Variants in FNBP1L observed in about 807,000 individuals in gnomAD.
The protein encoded by FNBP1L is formin binding protein 1 like, also known as formin-binding protein 1-like.
FNBP1L carries 36 observed loss-of-function variants against 91.2 expected under a neutral mutation model. That is an observed-to-expected ratio of 0.39 (90% CI 0.30 to 0.52). The LOEUF (loss-of-function observed/expected upper bound fraction) is 0.52. Ranked by LOEUF, FNBP1L falls within the 20% of genes least tolerant of loss-of-function variation. FNBP1L has a pLI of 0.66. For missense variants in FNBP1L, 571 were observed against 732.1 expected (o/e 0.78, Z 2.54); for synonymous variants, 242 against 237.0 (o/e 1.02, Z -0.19).
chr1:93,467,008 C>T (rs1022848414), intron 1 of FNBP1L, among the ~76,000 whole-genome samples: 3 of 152,140 alleles, frequency 2.0e-5, no homozygotes, highest in African/African-American at 7.2e-5. Flanking sequence ...AGGTGTGCGC[C>T]ACCATACCTG....
chr1:93,514,151 G>T lies in FNBP1L; in HGVS notation c.141-7931G>T, dbSNP rs539009499. Among the ~76,000 whole-genome samples the T allele has an allele frequency of 3.9e-3, 591 of 152,262 alleles. 3 individuals are homozygous for T. The highest frequency in any genetic ancestry group is 4.8e-3 in the Non-Finnish European group (329 of 68,024). On this transcript the variant is annotated intron_variant, in intron 2 of 16. Transcript: ENST00000271234. ...ACAGACAGAGAGCCAAATCATGAGT[G>T]AACTCCCATTCACAATTGCTTCAAA...
intron 1 of FNBP1L, among the ~76,000 whole-genome samples, chr1:93,456,973 C>T (rs114662024): frequency 6.3e-4 from 96 of 152,240 alleles, no homozygotes; most frequent in African/African-American, 2.1e-3. Flanking sequence ...ACTGCAGCCT[C>T]GACCTACCTG....
chr1:93,547,703 G>T (rs1468765546), intron 14 of FNBP1L, among the ~76,000 whole-genome samples: 1 of 152,108 alleles, frequency 6.6e-6, no homozygotes, highest in Non-Finnish European at 1.5e-5. Context: ...CAGTCTGAGG[G>T]CCTAGGCTCC....
At chr1:93,508,357 A>G (rs1471992053) in intron 2 of FNBP1L, among the ~76,000 whole-genome samples, 1 of 152,126 alleles carries the variant, frequency 6.6e-6, no homozygotes, top group Non-Finnish European at 1.5e-5. Flanking sequence ...TCAAAATAAT[A>G]AATTGATGTG....
At chr1:93,512,549 G>C (rs1371082317) in intron 2 of FNBP1L, among the ~76,000 whole-genome samples, 1 of 151,868 alleles carries the variant, frequency 6.6e-6, no homozygotes, top group African/African-American at 2.4e-5. Flanking sequence ...AAATGTAAAA[G>C]AACAGAAATT....
chr1:93,457,088 A>G (rs534121371), intron 1 of FNBP1L, among the ~76,000 whole-genome samples: 3 of 152,184 alleles, frequency 2.0e-5, no homozygotes, highest in Admixed American at 1.3e-4. Context: ...GCGTTTAGCC[A>G]TATTGCCCAG....
Position 93,448,512 on chromosome 1 carries a change from G to C in FNBP1L, c.24+207G>C, listed in dbSNP as rs1036349911. Among the ~76,000 whole-genome samples, 4 of 152,176 alleles carry C rather than the reference G, an allele frequency of 2.6e-5. No individual in the cohort carries two copies. In the East Asian group the frequency reaches 7.7e-4, roughly 29 times the overall value. On this transcript the variant is annotated intron_variant, in intron 1 of 16. Transcript: ENST00000271234. ...TAGGGGGCCGCTAGTCCGTGCTCCCGCCTTTGCCGCCGTGGTGCAGCTCGG... is the reference window on the plus strand; with the variant it reads ...TAGGGGGCCGCTAGTCCGTGCTCCCCCCTTTGCCGCCGTGGTGCAGCTCGG...
At position 93,534,831 on chromosome 1, in the gene FNBP1L, G is replaced by C. The variant is rs1249621050; in HGVS notation, c.913G>C (p.Glu305Gln). 1 of 1,578,872 alleles carries C rather than the reference G, an allele frequency of 6.3e-7. No individual in the cohort carries two copies. The highest frequency in any genetic ancestry group is 1.8e-5 in the Admixed American group (1 of 55,060). Residue 305 changes from glutamate to glutamine, a missense_variant, in exon 9 of 17, where the codon GAG becomes CAG. Physicochemically the swap from Glu to Gln is conservative, Grantham distance 29 (BLOSUM62 2). This residue lies in a region of FNBP1L where 150 missense variants were observed against 155.9 expected (regional missense o/e 0.96). Transcript: ENST00000271234. ...SDGTISASKQ[E>Q]SGKMDAKTTV... is the part of the protein sequence containing the mutation. ...TGGGACTATCAGTGCATCCAAACAG[G>C]AGAGTGGGAAGATGGATGCCAAAAC...
chr1:93,513,811 T>A (rs1187950741), intron 2 of FNBP1L, among the ~76,000 whole-genome samples: 2 of 152,136 alleles, frequency 1.3e-5, no homozygotes, highest in African/African-American at 4.8e-5. Context: ...ACAGCCAATA[T>A]CATACTGAAT....
At chr1:93,481,128 C>T (rs1479452124) in intron 1 of FNBP1L, among the ~76,000 whole-genome samples, 4 of 152,172 alleles carry the variant, frequency 2.6e-5, no homozygotes, top group African/African-American at 7.2e-5. Context: ...AAACTTCCCC[C>T]CTTTTGATGT....
At chr1:93,525,522 A>G (rs1030349247) in intron 5 of FNBP1L, among the ~76,000 whole-genome samples, 8 of 152,096 alleles carry the variant, frequency 5.3e-5, no homozygotes, top group Admixed American at 5.2e-4. Flanking sequence ...CTTAACTATC[A>G]TCCTTAGTAT....
chr1:93,470,413 C>G (rs1231451314), intron 1 of FNBP1L, among the ~76,000 whole-genome samples: 1 of 152,228 alleles, frequency 6.6e-6, no homozygotes, highest in Non-Finnish European at 1.5e-5. Context: ...CAGGCATGAG[C>G]CATCACACTC....
chr1:93,547,328 G>A lies in FNBP1L; in HGVS notation c.1408-19G>A. ...ACATATTTATTGAGCTCAGTTGTTT[G>A]CTTATTTTTTTTCCTAAGGCTTGGC... is the stretch of plus-strand genomic sequence containing the variant. On this transcript the variant is annotated intron_variant, in intron 13 of 16. Coordinates refer to ENST00000271234, the MANE Select transcript of FNBP1L (RefSeq NM_001164473.3). 1 of 1,537,184 alleles carries A rather than the reference G, an allele frequency of 6.5e-7. No homozygotes were observed. The highest frequency in any genetic ancestry group is 8.8e-7 in the Non-Finnish European group (1 of 1,133,964).
Position 93,524,419 on chromosome 1 carries a change from C to T in FNBP1L, c.405+96C>T, listed in dbSNP as rs1489971532. 11 of 829,620 alleles carry T rather than the reference C, an allele frequency of 1.3e-5. No individual in the cohort carries two copies. The East Asian group carries it at 3.5e-4, about 26-fold the overall frequency. The allele number at this position is 829,620 out of a possible 1,614,324, so 51.4% of individuals were successfully genotyped here. A position where few individuals can be genotyped will look rare whatever the true frequency, so the allele number is the denominator to read the frequency against. ...TCATATCTATTTGAGTTTAATGTTT[C>T]TCAGTGTATTATTAATAATTTGACA... is the stretch of plus-strand genomic sequence containing the variant. On this transcript the variant is annotated intron_variant, in intron 5 of 16. Transcript: ENST00000271234.
chr1:93,547,073 T>A, intron 13 of FNBP1L, 99 bp downstream of exon 13: 1 of 1,327,786 alleles, frequency 7.5e-7, no homozygotes, highest in Non-Finnish European at 1.0e-6. Flanking sequence ...TGTTTATATT[T>A]AATGTTAGGG....
chr1:93,451,918 G>C (rs892491250), intron 1 of FNBP1L, among the ~76,000 whole-genome samples: 16 of 152,118 alleles, frequency 1.1e-4, no homozygotes, highest in African/African-American at 3.9e-4. Context: ...TCAAAGTGCT[G>C]GGTTTACAGG....
At chr1:93,511,374 G>C (rs1269667519) in intron 2 of FNBP1L, among the ~76,000 whole-genome samples, 1 of 152,080 alleles carries the variant, frequency 6.6e-6, no homozygotes, top group East Asian at 1.9e-4. Context: ...AAGTGAAGGA[G>C]AAATAAAATC....
At chr1:93,471,034 T>A (rs1008640856) in intron 1 of FNBP1L, among the ~76,000 whole-genome samples, 3 of 152,308 alleles carry the variant, frequency 2.0e-5, no homozygotes, top group African/African-American at 7.2e-5. Flanking sequence ...TTATTCTTTT[T>A]TAGTGATGCA....
At chr1:93,460,051 C>T (rs1221485379) in intron 1 of FNBP1L, among the ~76,000 whole-genome samples, 5 of 151,482 alleles carry the variant, frequency 3.3e-5, no homozygotes, top group Non-Finnish European at 7.4e-5. Flanking sequence ...AAAACCTGAA[C>T]TGCTCCAATG....
Sources: gnomAD v4.1 joint callset for allele counts (sites outside exome capture counted in the v4.1 genomes callset) on GRCh38, gnomAD v4.1.1 for gene constraint, gnomAD v4.1.1 regional missense constraint, MANE v1.5 for transcripts, NCBI Gene and HGNC (gene_info 2026-07-23, HGNC 2026-07-21) for gene names.